Variants in ADAD1 observed in about 807,000 individuals in gnomAD.
The protein encoded by ADAD1 is adenosine deaminase domain containing 1, also known as adenosine deaminase domain-containing protein 1.
In ADAD1, 46 loss-of-function variants were observed where a neutral mutation model predicts 66.8. The ratio of observed to expected loss-of-function variants is 0.69; its 90% CI spans 0.54 to 0.88. The LOEUF (loss-of-function observed/expected upper bound fraction) is 0.88. Ranked by LOEUF, ADAD1 falls within the 40% of genes least tolerant of loss-of-function variation. The pLI is 0.00. For missense variants in ADAD1, 617 were observed against 681.8 expected (o/e 0.91, Z 1.06); for synonymous variants, 248 against 229.4 (o/e 1.08, Z -0.73).
At chr4:122,384,000 G>A in intron 5 of ADAD1, 34 bp downstream of exon 5, 1 of 1,509,450 alleles carries the variant, frequency 6.6e-7, no homozygotes. Context: ...ATTTATAAGA[G>A]GTATCATTTT....
At chr4:122,382,279 G>A (rs1794934527) in intron 4 of ADAD1, among the ~76,000 whole-genome samples, 1 of 152,164 alleles carries the variant, frequency 6.6e-6, no homozygotes. Context: ...TATGCTCAAA[G>A]TATATAGTTC....
intron 4 of ADAD1, among the ~76,000 whole-genome samples, chr4:122,382,365 A>C (rs927397557): frequency 9.2e-5 from 14 of 152,246 alleles, no homozygotes; most frequent in African/African-American, 2.9e-4. Flanking sequence ...TTAGATTTAC[A>C]CTAAAGTTTG....
intron 5 of ADAD1, among the ~76,000 whole-genome samples, chr4:122,390,772 C>G (rs1377356889): frequency 6.6e-6 from 1 of 152,158 alleles, no homozygotes; most frequent in Non-Finnish European, 1.5e-5. Flanking sequence ...TACCAAGGTT[C>G]TTAGCTTGCT....
chr4:122,409,336 A>G (rs1796365182), intron 8 of ADAD1, among the ~76,000 whole-genome samples: 1 of 151,996 alleles, frequency 6.6e-6, no homozygotes, highest in African/African-American at 2.4e-5. Context: ...TTTGTTTTTA[A>G]TTCTTCTTTA....
chr4:122,394,293 GTTA>G (rs1033662630), intron 6 of ADAD1, among the ~76,000 whole-genome samples: 10 of 152,128 alleles, frequency 6.6e-5, no homozygotes, highest in African/African-American at 2.4e-4. Flanking sequence ...TTGTATGGTA[GTTA>G]TTATATATTT....
Position 122,421,380 on chromosome 4 carries a change from A to G in ADAD1, c.1607A>G (p.His536Arg). The G allele has an allele frequency of 1.9e-6, 3 of 1,594,370 alleles. No individual in the cohort carries two copies. The highest frequency in any genetic ancestry group is 2.6e-6 in the Non-Finnish European group (3 of 1,166,950). ...GAATTACTTGAAGCTGGTACATATC[A>G]TGCAGCTAAGGTAAGTCCTTAAAGG... Reference protein sequence around the residue: ...KKELLEAGTYHAAKCMSASYQ... With the variant: ...KKELLEAGTYRAAKCMSASYQ... The change falls in exon 12 of 13, where the codon CAT becomes CGT. Residue 536 changes from histidine (H) to arginine (R), a missense_variant. Coordinates refer to ENST00000296513, the MANE Select transcript of ADAD1 (RefSeq NM_139243.4).
rs192284143 is a variant in ADAD1 at position 122,414,816 on chromosome 4, A to G, written c.1250-563A>G. On this transcript the variant is annotated intron_variant, in intron 10 of 12. Transcript: ENST00000296513. ...AGTAGTAACATTGCATCTTTTTGAG[A>G]TCTCTCCTTCAATAATTATTATAAC... 4.2e-3 allele frequency among the ~76,000 whole-genome samples: 642 copies of G among 152,190 alleles called. 2 individuals carry two copies. The highest frequency in any genetic ancestry group is 0.014 in the African/African-American group (580 of 41,540).
chr4:122,414,288 A>G lies in ADAD1; in HGVS notation c.1250-1091A>G, dbSNP rs1450912153. On this transcript the variant is annotated intron_variant, in intron 10 of 12. Transcript: ENST00000296513. ...TGTCTTTTTTTTTGGGGGGGGGGGT[A>G]CAACTACTGTCATTATTTCATTGCA... is the stretch of plus-strand genomic sequence containing the variant. 2.6e-5 allele frequency among the ~76,000 whole-genome samples: 3 copies of G among 115,718 alleles called. 1 individual carries two copies. The highest frequency in any genetic ancestry group is 9.2e-5 in the African/African-American group (3 of 32,672). The allele number at this position is 115,718 out of a possible 152,430, so 75.9% of individuals were successfully genotyped here. A position where few individuals can be genotyped will look rare whatever the true frequency, so the allele number is the denominator to read the frequency against.
chr4:122,405,096 T>C (rs928630972), intron 7 of ADAD1, among the ~76,000 whole-genome samples: 1 of 152,194 alleles, frequency 6.6e-6, no homozygotes, highest in African/African-American at 2.4e-5. Flanking sequence ...ACTGACACTA[T>C]ATAATTCTAT....
At chr4:122,385,702 C>A (rs1795140942) in intron 5 of ADAD1, among the ~76,000 whole-genome samples, 1 of 152,164 alleles carries the variant, frequency 6.6e-6, no homozygotes, top group Non-Finnish European at 1.5e-5. Context: ...TCAACTCCCA[C>A]CCCCTAAAAG....
At chr4:122,380,697 T>C (rs1298683965) in intron 3 of ADAD1, among the ~76,000 whole-genome samples, 2 of 152,242 alleles carry the variant, frequency 1.3e-5, no homozygotes, top group Non-Finnish European at 2.9e-5. Flanking sequence ...TGATATTATC[T>C]GTAAAAATTT....
chr4:122,422,173 A>C (rs1797031517), intron 12 of ADAD1, among the ~76,000 whole-genome samples: 1 of 138,522 alleles, frequency 7.2e-6, no homozygotes, highest in Non-Finnish European at 1.5e-5. Flanking sequence ...TGTCCAGGCT[A>C]GAGTGCAATG....
intron 11 of ADAD1, among the ~76,000 whole-genome samples, chr4:122,418,648 G>A (rs891112225): frequency 6.6e-6 from 1 of 152,050 alleles, no homozygotes; most frequent in Non-Finnish European, 1.5e-5. Flanking sequence ...TACCAAGAAG[G>A]CACCTTAGCT....
chr4:122,411,286 T>G lies in ADAD1; in HGVS notation c.913T>G (p.Phe305Val). 6.2e-7 allele frequency: 1 copy of G among 1,612,632 alleles called. No individual in the cohort carries two copies. The highest frequency in any genetic ancestry group is 8.5e-7 in the Non-Finnish European group (1 of 1,179,560). ...TCCTGCTATGATGGAAAAATCAATATTTTGTACAGAACCAACTTCTAATCT... is the reference window on the plus strand; with the variant it reads ...TCCTGCTATGATGGAAAAATCAATAGTTTGTACAGAACCAACTTCTAATCT... The part of the protein sequence containing the change: ...KNPAMMEKSI[F>V]CTEPTSNLLT... The change falls in exon 9 of 13, where the codon TTT becomes GTT. Residue 305 changes from phenylalanine to valine, a missense_variant. Coordinates refer to ENST00000296513, the MANE Select transcript of ADAD1 (RefSeq NM_139243.4).
intron 11 of ADAD1, among the ~76,000 whole-genome samples, chr4:122,415,935 A>T (rs1796713446): frequency 1.3e-5 from 2 of 152,158 alleles, no homozygotes; most frequent in South Asian, 4.1e-4. Context: ...ATTTCATATC[A>T]TTAGTATTAG....
intron 5 of ADAD1, among the ~76,000 whole-genome samples, chr4:122,386,544 A>T (rs186410910): frequency 1.8e-4 from 27 of 152,190 alleles, no homozygotes; most frequent in East Asian, 1.7e-3. Flanking sequence ...GTTTAATTAG[A>T]TCACATTTGT....
At chr4:122,404,305 C>A (rs1228014260) in intron 7 of ADAD1, among the ~76,000 whole-genome samples, 1 of 152,180 alleles carries the variant, frequency 6.6e-6, no homozygotes, top group Admixed American at 6.5e-5. Flanking sequence ...TACTCAAGGA[C>A]CCCTGTGAGA....
At chr4:122,401,045 G>A (rs1033049896) in intron 7 of ADAD1, among the ~76,000 whole-genome samples, 1 of 151,836 alleles carries the variant, frequency 6.6e-6, no homozygotes, top group African/African-American at 2.4e-5. Context: ...TGCTGTGTTT[G>A]GGTTTGGTTT....
chr4:122,416,186 A>G (rs1796726080), intron 11 of ADAD1, among the ~76,000 whole-genome samples: 1 of 152,300 alleles, frequency 6.6e-6, no homozygotes, highest in South Asian at 2.1e-4. Flanking sequence ...AAGGTTACCC[A>G]AGTAGTTAAT....
Sources: allele counts gnomAD v4.1 joint callset (sites outside exome capture counted in the v4.1 genomes callset), GRCh38; gene constraint gnomAD v4.1.1; transcripts MANE v1.5; gene names NCBI Gene and HGNC (gene_info 2026-07-23, HGNC 2026-07-21).